The following SCAPER variants were observed in gnomAD, a reference collection of about 807,000 sequenced individuals.
SCAPER encodes S-phase cyclin A associated protein in the ER, also known as S phase cyclin A-associated protein in the endoplasmic reticulum.
In SCAPER, 98 loss-of-function variants were observed where a neutral mutation model predicts 182.2. The ratio of observed to expected loss-of-function variants is 0.54; its 90% CI spans 0.46 to 0.64. The LOEUF (loss-of-function observed/expected upper bound fraction) is 0.64. Among genes scored for constraint, SCAPER ranks in the 30% least tolerant of loss-of-function variants. The pLI is 0.00. For synonymous variants in SCAPER, 605 were observed against 564.6 expected (o/e 1.07, Z -1.01); for missense variants, 1,432 against 1,690.0 (o/e 0.85, Z 2.68).
intron 26 of SCAPER, among the ~76,000 whole-genome samples, chr15:76,408,663 CA>C (rs1270613944): frequency 2.0e-5 from 3 of 151,682 alleles, no homozygotes; most frequent in Non-Finnish European, 4.4e-5. Flanking sequence ...TGACTATCCC[CA>C]TTTGATAGAC....
intron 5 of SCAPER, among the ~76,000 whole-genome samples, chr15:76,813,549 T>G (rs1443123672): frequency 1.3e-5 from 2 of 151,912 alleles, no homozygotes; most frequent in Non-Finnish European, 2.9e-5. Context: ...TGATTCTATA[T>G]GCAGGAAAAT....
intron 23 of SCAPER, among the ~76,000 whole-genome samples, chr15:76,560,318 C>T (rs1438945946): frequency 6.6e-6 from 1 of 152,184 alleles, no homozygotes; most frequent in East Asian, 1.9e-4. Flanking sequence ...TGAACTCACA[C>T]AGCTACTACA....
intron 24 of SCAPER, among the ~76,000 whole-genome samples, chr15:76,494,115 T>C (rs892347909): frequency 5.9e-5 from 9 of 152,244 alleles, no homozygotes; most frequent in Admixed American, 3.9e-4. Flanking sequence ...TGGGGGTCTA[T>C]GATGTAGCAG....
chr15:76,513,293 A>T (rs2042184707), intron 23 of SCAPER, among the ~76,000 whole-genome samples: 1 of 152,226 alleles, frequency 6.6e-6, no homozygotes, highest in Non-Finnish European at 1.5e-5. Context: ...TTAACACAAC[A>T]TAGAGGCATG....
intron 27 of SCAPER, among the ~76,000 whole-genome samples, chr15:76,383,046 T>C (rs544111127): frequency 1.3e-5 from 2 of 152,004 alleles, no homozygotes; most frequent in African/African-American, 4.8e-5. Flanking sequence ...TTTTTAACAC[T>C]ACGAGTTAGT....
chr15:76,588,706 C>T (rs141805791), intron 22 of SCAPER, among the ~76,000 whole-genome samples: 2,033 of 152,220 alleles, frequency 0.013, 25 homozygotes, highest in Middle Eastern at 0.02. Context: ...GTGAGATTTA[C>T]GCTTTAAAGA....
intron 2 of SCAPER, among the ~76,000 whole-genome samples, chr15:76,868,555 A>C (rs2072466602): frequency 6.6e-6 from 1 of 152,192 alleles, no homozygotes; most frequent in Non-Finnish European, 1.5e-5. Flanking sequence ...GTTACAAAGA[A>C]TATAAAATAT....
At chr15:76,411,250 A>T (rs1176932846) in intron 26 of SCAPER, among the ~76,000 whole-genome samples, 1 of 152,106 alleles carries the variant, frequency 6.6e-6, no homozygotes, top group East Asian at 1.9e-4. Context: ...TTAGTATCCC[A>T]CTGTATGAAT....
At position 76,381,530 on chromosome 15, in the gene SCAPER, G is replaced by A; in HGVS notation, c.3553C>T (p.His1185Tyr). The A allele has an allele frequency of 1.2e-6, 2 of 1,613,032 alleles. No individual in the cohort carries two copies. Among genetic ancestry groups the A allele is most frequent in the South Asian group, 2.2e-5 (2 of 90,790 alleles). Residue 1185 changes from histidine (H) to tyrosine (Y), a missense_variant, in exon 28 of 32, where the codon CAT becomes TAT. This residue lies in a region of SCAPER where 718 missense variants were observed against 799.7 expected (regional missense o/e 0.90). Transcript: ENST00000563290. ...TGGAAGAGGACACAGTAGAGCATATGAAGAACTCCAGCCAGGTCGGTTGCC... is the reference window on the plus strand; with the variant it reads ...TGGAAGAGGACACAGTAGAGCATATAAAGAACTCCAGCCAGGTCGGTTGCC... ...LQATDLAGVL[H>Y]MLYCVLFHGT...
chr15:76,709,297 A>C (rs939151577), intron 17 of SCAPER, among the ~76,000 whole-genome samples: 1 of 151,902 alleles, frequency 6.6e-6, no homozygotes, highest in Non-Finnish European at 1.5e-5. Context: ...ATGCACGCCC[A>C]GCTAATTTTT....
intron 28 of SCAPER, chr15:76,379,901 C>G (rs1299018319): frequency 6.6e-6 from 1 of 151,858 alleles, no homozygotes; most frequent in South Asian, 2.1e-4. Context: ...AGTGACTGAC[C>G]GAACAGCTGA....
intron 24 of SCAPER, among the ~76,000 whole-genome samples, chr15:76,497,208 T>G (rs1469284500): frequency 6.7e-6 from 1 of 150,060 alleles, no homozygotes; most frequent in Non-Finnish European, 1.5e-5. Context: ...TCTACATGAT[T>G]ATTCAAATTC....
chr15:76,545,166 G>C (rs1229546587), intron 23 of SCAPER, among the ~76,000 whole-genome samples: 1 of 152,028 alleles, frequency 6.6e-6, no homozygotes, highest in Non-Finnish European at 1.5e-5. Context: ...TATCTTTAAT[G>C]TGTTTGATGT....
At chr15:76,843,669 G>A (rs1489668444) in intron 4 of SCAPER, among the ~76,000 whole-genome samples, 1 of 152,052 alleles carries the variant, frequency 6.6e-6, no homozygotes, top group Non-Finnish European at 1.5e-5. Context: ...TCAAATAACA[G>A]AGGCTAGACA....
intron 28 of SCAPER, among the ~76,000 whole-genome samples, chr15:76,379,370 G>C (rs2042785167): frequency 6.6e-6 from 1 of 152,208 alleles, no homozygotes; most frequent in Non-Finnish European, 1.5e-5. Flanking sequence ...AAAGGTACTG[G>C]AGAATTGTGA....
Position 76,434,217 on chromosome 15 carries a change from C to A in SCAPER, c.3172G>T (p.Ala1058Ser), listed in dbSNP as rs748969391. 9.9e-6 allele frequency: 16 copies of A among 1,613,944 alleles called. No individual in the cohort carries two copies. The highest frequency in any genetic ancestry group is 1.3e-5 in the Non-Finnish European group (15 of 1,179,876). ...GCAATCAGGCAGCCCAAAACCACAG[C>A]ACTGACTTTGAGAAGTCCAGTTGTC... ...GLTTGLLKVS[A>S]VVLGCLIANR... Residue 1058 changes from alanine to serine, a missense_variant, in exon 26 of 32, where the codon GCT (alanine) becomes TCT (serine). Ala to Ser is a moderately conservative substitution (Grantham distance 99). This residue lies in a region of SCAPER where 718 missense variants were observed against 799.7 expected (regional missense o/e 0.90). Coordinates refer to ENST00000563290, the MANE Select transcript of SCAPER (RefSeq NM_020843.4).
At chr15:76,496,824 G>A (rs906865651) in intron 24 of SCAPER, among the ~76,000 whole-genome samples, 2 of 152,084 alleles carry the variant, frequency 1.3e-5, no homozygotes, top group African/African-American at 4.8e-5. Flanking sequence ...CACAAGGAAG[G>A]CTCTATAGCA....
chr15:76,781,072 G>A (rs1481608347), intron 8 of SCAPER, among the ~76,000 whole-genome samples: 2 of 152,124 alleles, frequency 1.3e-5, no homozygotes, highest in African/African-American at 4.8e-5. Flanking sequence ...CAGAAGGCCA[G>A]TAATAACAAA....
rs754205498 is a variant in SCAPER at position 76,767,048 on chromosome 15, T to C, written c.1289A>G (p.Asp430Gly). 3 of 1,600,154 alleles carry C rather than the reference T, an allele frequency of 1.9e-6. No homozygotes were observed. The highest frequency in any genetic ancestry group is 2.6e-6 in the Non-Finnish European group (3 of 1,172,772). ...TTCTTCATTGGCCTTTTCTAGACGA[T>C]CTGCTAGCTCTTCTTTTTTAGCAAG... ...EVLAKKEELA[D>G]RLEKANEEAI... The change falls in exon 11 of 32, where the codon GAT (aspartate) becomes GGT (glycine). Residue 430 changes from aspartate to glycine, a missense_variant. By Grantham distance (94) the Asp-to-Gly change is moderately conservative. Coordinates refer to ENST00000563290, the MANE Select transcript of SCAPER (RefSeq NM_020843.4).
Sources: gnomAD v4.1 joint callset for allele counts (sites outside exome capture counted in the v4.1 genomes callset) on GRCh38, gnomAD v4.1.1 for gene constraint, gnomAD v4.1.1 regional missense constraint, MANE v1.5 for transcripts, NCBI Gene and HGNC (gene_info 2026-07-23, HGNC 2026-07-21) for gene names.